CNIH1: variants seen among roughly 807,000 people sequenced by gnomAD.
CNIH1 encodes the protein cornichon family member 1.
A neutral mutation model predicts 20.2 loss-of-function variants in CNIH1; 12 were observed. The observed-to-expected ratio is 0.59, with a 90% CI of 0.38 to 0.96. The LOEUF is 0.96. Ranked by LOEUF, CNIH1 falls within the 40% of genes least tolerant of loss-of-function variation. The probability of loss-of-function intolerance (pLI) is 0.00; values close to 1 mark genes in which losing one functional copy is unlikely to be tolerated. For missense variants in CNIH1, 152 were observed against 178.8 expected (o/e 0.85, Z 0.85); for synonymous variants, 69 against 63.3 (o/e 1.09, Z -0.43).
At chr14:54,431,621 A>G (rs1036543052) in intron 3 of CNIH1, among the ~76,000 whole-genome samples, 1 of 152,234 alleles carries the variant, frequency 6.6e-6, no homozygotes, top group African/African-American at 2.4e-5. Flanking sequence ...TTTTACAAAT[A>G]ACCAAAATTA....
intron 1 of CNIH1, among the ~76,000 whole-genome samples, chr14:54,441,043 G>A (rs1313953453): frequency 6.6e-6 from 1 of 151,762 alleles, no homozygotes; most frequent in African/African-American, 2.4e-5. Context: ...CCGAGGCAAC[G>A]CGGGCGCGTC....
Position 54,436,738 on chromosome 14 carries a change from T to C in CNIH1, c.82-301A>G, listed in dbSNP as rs11628229. On this transcript the variant is annotated intron_variant, in intron 1 of 4. Transcript: ENST00000216416. Reference sequence around the variant, plus strand: ...AACTTATCTCTACTCGAAATAATCTTCTGAGTAGAAAAATAATTTCAACTG... The same window carrying C: ...AACTTATCTCTACTCGAAATAATCTCCTGAGTAGAAAAATAATTTCAACTG... 4.8e-3 allele frequency: 2,364 copies of C among 491,620 alleles called. 13 individuals are homozygous for C. The highest frequency in any genetic ancestry group is 7.9e-3 in the Non-Finnish European group (2,049 of 258,434). 30.5% of individuals were successfully genotyped at this position (491,620 alleles called of 1,614,324 possible). A position where few individuals can be genotyped will look rare whatever the true frequency, so the allele number is the denominator to read the frequency against.
Position 54,436,390 on chromosome 14 carries a change from G to A in CNIH1, c.129C>T (p.Asp43=). The A allele has an allele frequency of 6.4e-7, 1 of 1,563,116 alleles. No individual in the cohort carries two copies. Among genetic ancestry groups the A allele is most frequent in the Non-Finnish European group, 8.8e-7 (1 of 1,134,186 alleles). ...TTACGGGATTCAGGGTATTACACTG[G>A]TCTATAGGATTCTTGTAATCAGTCT... ...ELKTDYKNPI[D]QCNTLNPLVL... Residue 43 remains aspartate (D), a synonymous_variant, in exon 2 of 5, where the codon GAC becomes GAT. Transcript: ENST00000216416.
intron 1 of CNIH1, among the ~76,000 whole-genome samples, chr14:54,440,646 G>A (rs1018138370): frequency 9.9e-5 from 15 of 152,110 alleles, no homozygotes; most frequent in African/African-American, 3.6e-4. Flanking sequence ...GGGGGGAAAC[G>A]CGCACATGCA....
Position 54,426,179 on chromosome 14 carries a change from T to C in CNIH1, c.*1635A>G. The C allele has an allele frequency of 6.6e-6, 1 of 152,182 alleles. No individual in the cohort carries two copies. The highest frequency in any genetic ancestry group is 1.9e-4 in the East Asian group (1 of 5,196). The allele number at this position is 152,182 out of a possible 1,614,324, so 9.4% of individuals were successfully genotyped here. A position where few individuals can be genotyped will look rare whatever the true frequency, so the allele number is the denominator to read the frequency against. On this transcript the variant is annotated 3_prime_UTR_variant, in exon 5 of 5. Coordinates refer to ENST00000216416, the MANE Select transcript of CNIH1 (RefSeq NM_005776.3). The stretch of plus-strand genomic sequence containing the variant: ...CCCTCTAGTTCTCCAGACTGTGAAA[T>C]ACAAGGTCTTTAAAGCTTTCCTTGT...
chr14:54,436,529 AAAC>A, intron 1 of CNIH1, 92 bp from the exon 2 acceptor site: 1 of 707,256 alleles, frequency 1.4e-6, no homozygotes, highest in East Asian at 2.7e-5. Flanking sequence ...AAAGTTAATA[AAAC>A]AAGAACAAAA....
rs1219237983 is a variant in CNIH1, at chr14:54,424,277, A to T, written c.*3537T>A. On this transcript the variant is annotated 3_prime_UTR_variant, in exon 5 of 5. Coordinates refer to ENST00000216416, the MANE Select transcript of CNIH1 (RefSeq NM_005776.3). The stretch of plus-strand genomic sequence containing the variant: ...AGTACTTTTATGAGCAATGCTAGAT[A>T]AGGTATCCATGTTTTTCTTTCCCCT... The T allele has an allele frequency of 1.3e-5, 2 of 152,242 alleles. No individual in the cohort carries two copies. The highest frequency in any genetic ancestry group is 4.8e-5 in the African/African-American group (2 of 41,470). The allele number at this position is 152,242 out of a possible 1,614,324, so 9.4% of individuals were successfully genotyped here.
intron 1 of CNIH1, among the ~76,000 whole-genome samples, chr14:54,438,693 T>C (rs988638356): frequency 6.6e-6 from 1 of 152,200 alleles, no homozygotes. Context: ...ATTTAAAAAT[T>C]GTAAAATGAG....
intron 1 of CNIH1, among the ~76,000 whole-genome samples, chr14:54,439,204 T>G (rs1313004888): frequency 1.3e-5 from 2 of 152,200 alleles, no homozygotes; most frequent in African/African-American, 2.4e-5. Context: ...ATCTATTTAT[T>G]TAGAATTGTT....
intron 4 of CNIH1, among the ~76,000 whole-genome samples, chr14:54,429,755 C>CA (rs372521199): frequency 6.7e-5 from 10 of 148,366 alleles, no homozygotes; most frequent in East Asian, 2.0e-4. Context: ...GACTCCGACT[C>CA]AAAAAAAAAG....
chr14:54,434,263 G>A (rs1253504094), intron 2 of CNIH1, among the ~76,000 whole-genome samples: 1 of 152,184 alleles, frequency 6.6e-6, no homozygotes, highest in Non-Finnish European at 1.5e-5. Context: ...AACCTGTGCT[G>A]CTATAAAAAC....
chr14:54,438,143 C>T (rs2031093943), intron 1 of CNIH1, among the ~76,000 whole-genome samples: 1 of 152,098 alleles, frequency 6.6e-6, no homozygotes, highest in Non-Finnish European at 1.5e-5. Flanking sequence ...CCATGCCTGG[C>T]TAATTTTTGT....
intron 3 of CNIH1, among the ~76,000 whole-genome samples, chr14:54,431,157 C>G (rs10134913): frequency 0.14 from 20,568 of 151,040 alleles, 1,505 homozygotes; most frequent in Non-Finnish European, 0.15. Context: ...GAGACAGAGT[C>G]TTGCTCTGTT....
At chr14:54,436,045 G>T (rs1246509127) in intron 2 of CNIH1, 1 of 701,756 alleles carries the variant, frequency 1.4e-6, no homozygotes, top group Non-Finnish European at 2.6e-6. Context: ...AATGAATATA[G>T]CATTAAAACA....
In CNIH1 at chr14:54,428,488, A is replaced by G. The variant is rs116573476; in HGVS notation, c.408-647T>C. ...CATGATTCAAAAAGCACATAACTCT[A>G]AACAGAAATACAAAGGAGTTGAACA... On this transcript the variant is annotated intron_variant, in intron 4 of 4. Coordinates refer to ENST00000216416, the MANE Select transcript of CNIH1 (RefSeq NM_005776.3). 2.7e-3 allele frequency among the ~76,000 whole-genome samples: 413 copies of G among 152,380 alleles called. 3 individuals are homozygous for G. Among genetic ancestry groups the G allele is most frequent in the African/African-American group, 9.4e-3 (393 of 41,592 alleles).
chr14:54,430,196 A>G, intron 4 of CNIH1, 65 bp downstream of exon 4: 1 of 1,539,108 alleles, frequency 6.5e-7, no homozygotes, highest in African/African-American at 1.4e-5. Context: ...TGTGAAAACC[A>G]TAATGCCTGC....
chr14:54,441,250 C>A lies in CNIH1; in HGVS notation c.78G>T (p.Trp26Cys). 1 of 1,517,106 alleles carries A rather than the reference C, an allele frequency of 6.6e-7. No homozygotes were observed. Among genetic ancestry groups the A allele is most frequent in the South Asian group, 1.2e-5 (1 of 80,922 alleles). 94.0% of individuals were successfully genotyped at this position (1,517,106 alleles called of 1,614,324 possible). A position where few individuals can be genotyped will look rare whatever the true frequency, so the allele number is the denominator to read the frequency against. ...LTAALIFFAI[W>C]HIIAFDELKT... ...TTCCCCAGCCCCAGCTACTCACGTG[C>A]CAAATGGCGAAGAAGATGAGCGCGG... is the stretch of plus-strand genomic sequence containing the variant. Residue 26 changes from tryptophan (W) to cysteine (C), a missense_variant, in exon 1 of 5, where the codon TGG becomes TGT. By Grantham distance (215) the Trp-to-Cys change is radical. This residue lies in a region of CNIH1 where 97 missense variants were observed against 100.6 expected (regional missense o/e 0.96). Coordinates refer to ENST00000216416, the MANE Select transcript of CNIH1 (RefSeq NM_005776.3).
chr14:54,440,662 C>T (rs997942227), intron 1 of CNIH1, among the ~76,000 whole-genome samples: 2 of 152,086 alleles, frequency 1.3e-5, no homozygotes, highest in African/African-American at 4.8e-5. Context: ...ATGCAATCAA[C>T]AAAGTAATCA....
rs1181982371 is a variant in CNIH1 at position 54,425,154 on chromosome 14, A to G, written c.*2660T>C. 3 of 151,762 alleles carry G rather than the reference A, an allele frequency of 2.0e-5. No individual in the cohort carries two copies. The East Asian group carries it at 5.9e-4, about 30-fold the overall frequency. The allele number at this position is 151,762 out of a possible 1,614,324, so 9.4% of individuals were successfully genotyped here. A position where few individuals can be genotyped will look rare whatever the true frequency, so the allele number is the denominator to read the frequency against. ...AGTATTAAAGGGCCATACTGCCACA[A>G]TATAGTATTATTACTCAGTAAAGTA... On this transcript the variant is annotated 3_prime_UTR_variant, in exon 5 of 5. Coordinates refer to ENST00000216416, the MANE Select transcript of CNIH1 (RefSeq NM_005776.3).
Sources: gnomAD v4.1 joint callset for allele counts (sites outside exome capture counted in the v4.1 genomes callset) on GRCh38, gnomAD v4.1.1 for gene constraint, gnomAD v4.1.1 regional missense constraint, MANE v1.5 for transcripts, NCBI Gene and HGNC (gene_info 2026-07-23, HGNC 2026-07-21) for gene names.